CPD: variants seen among roughly 807,000 people sequenced by gnomAD.
CPD encodes carboxypeptidase D.
Under a neutral mutation model 138.3 loss-of-function variants are expected in CPD, and 69 were observed. The observed-to-expected ratio is 0.50, with a 90% confidence interval of 0.41 to 0.61. The LOEUF is 0.61. Among genes scored for constraint, CPD ranks in the 20% least tolerant of loss-of-function variants. The pLI, the probability that CPD is intolerant of heterozygous loss-of-function variation, is 0.00. For synonymous variants in CPD, 651 were observed against 642.1 expected, an observed-to-expected ratio of 1.01 and a Z score of -0.21; for missense variants, 1,432 against 1,733.3, an observed-to-expected ratio of 0.83 and a Z score of 3.09.
chr17:30,467,580 T>A lies in CPD; in HGVS notation c.*2766T>A, dbSNP rs557094903. The A allele has an allele frequency of 6.6e-6, 1 of 152,318 alleles. No individual in the cohort carries two copies. Among genetic ancestry groups the A allele is most frequent in the African/African-American group, 2.4e-5 (1 of 41,582 alleles). The allele number at this position is 152,318 out of a possible 1,614,324, so 9.4% of individuals were successfully genotyped here. A position where few individuals can be genotyped will look rare whatever the true frequency, so the allele number is the denominator to read the frequency against. On this transcript the variant is annotated 3_prime_UTR_variant, in exon 21 of 21. Transcript: ENST00000225719. ...AACATATTGTATATTTGGCCCAGTG[T>A]GATTGATTGCTTTATCTTTGGTAAC...
chr17:30,379,158 C>A lies in CPD; in HGVS notation c.178C>A (p.His60Asn). The A allele has an allele frequency of 6.5e-7, 1 of 1,536,148 alleles. No homozygotes were observed. ...CGAGGGCCAGTTCGACCGCTACTAC[C>A]ACGAAGAGGAGTTGGAGTCGGCGCT... ...AAEGQFDRYY[H>N]EEELESALRE... Residue 60 changes from histidine to asparagine, a missense_variant, in exon 1 of 21, where the codon CAC (histidine) becomes AAC (asparagine). Transcript: ENST00000225719. The surrounding 1 kb of genome is among the most constrained non-coding windows in gnomAD (Gnocchi z 7.0).
intron 12 of CPD, among the ~76,000 whole-genome samples, chr17:30,446,351 G>A (rs1274849779): frequency 2.0e-5 from 3 of 151,452 alleles, no homozygotes; most frequent in African/African-American, 7.3e-5. Flanking sequence ...ACAGACCCCA[G>A]GGTGTGATGT....
chr17:30,428,881 C>CCA (rs1912490147), intron 7 of CPD, among the ~76,000 whole-genome samples: 3 of 101,162 alleles, frequency 3.0e-5, no homozygotes, highest in East Asian at 1.4e-3. Flanking sequence ...AGTAAAACTA[C>CCA]TAAAAAAAAA....
intron 1 of CPD, among the ~76,000 whole-genome samples, chr17:30,383,717 A>G (rs1397632237): frequency 1.3e-5 from 2 of 152,160 alleles, no homozygotes; most frequent in African/African-American, 4.8e-5. Context: ...CTTTCAAATT[A>G]GACATGATAG....
intron 7 of CPD, among the ~76,000 whole-genome samples, chr17:30,429,879 C>G (rs1912517225): frequency 1.3e-5 from 2 of 152,004 alleles, no homozygotes; most frequent in African/African-American, 4.8e-5. Flanking sequence ...GTTGACTATC[C>G]CATCTCTGAT....
chr17:30,425,867 T>TA (rs991044709), intron 6 of CPD, among the ~76,000 whole-genome samples: 6 of 152,194 alleles, frequency 3.9e-5, no homozygotes, highest in African/African-American at 1.4e-4. Flanking sequence ...CTGGAAGAGA[T>TA]ACAGTTTTTA....
chr17:30,464,501 T>C, intron 20 of CPD, 87 bp from the exon 21 acceptor site: 2 of 957,518 alleles, frequency 2.1e-6, no homozygotes, highest in Admixed American at 3.8e-5. Flanking sequence ...AAATGAGGGG[T>C]ATATTATTAA....
Position 30,451,763 on chromosome 17 carries a change from G to T in CPD, c.3122G>T (p.Arg1041Leu), listed in dbSNP as rs140102865. 8 of 1,613,870 alleles carry T rather than the reference G, an allele frequency of 5.0e-6. No homozygotes were observed. The highest frequency in any genetic ancestry group is 6.8e-6 in the Non-Finnish European group (8 of 1,179,928). ...GTCCCTTCTCTAAATCCAGATGGGC[G>T]AGAGAGAGCTCAAGAGAAAGACTGT... ...VIVPSLNPDG[R>L]ERAQEKDCTS... Residue 1041 changes from arginine to leucine, a missense_variant, in exon 14 of 21, where the codon CGA (arginine) becomes CTA (leucine). Transcript: ENST00000225719.
At chr17:30,448,278 G>A (rs1913078729) in intron 12 of CPD, among the ~76,000 whole-genome samples, 1 of 152,082 alleles carries the variant, frequency 6.6e-6, no homozygotes, top group Non-Finnish European at 1.5e-5. Context: ...TGGGAGGATC[G>A]CTTGAGGCCA....
intron 15 of CPD, 66 bp from the exon 16 acceptor site, chr17:30,456,187 TGAA>T (rs1275198835): frequency 8.3e-7 from 1 of 1,210,544 alleles, no homozygotes; most frequent in Non-Finnish European, 1.2e-6. Context: ...CTTGTATCCA[TGAA>T]GGTTAACTTG....
chr17:30,397,737 CAAAAAAA>C (rs71138885), intron 2 of CPD, among the ~76,000 whole-genome samples: 682 of 31,864 alleles, frequency 0.021, 4 homozygotes, highest in African/African-American at 0.065. Context: ...ACTCCTGTCT[CAAAAAAA>C]AAAAAAAAAA....
intron 2 of CPD, among the ~76,000 whole-genome samples, chr17:30,395,903 GGTTGCTCAGAATACAAAGACCAGGTTCA>G (rs1037638873): frequency 1.4e-4 from 21 of 152,024 alleles, no homozygotes; most frequent in Non-Finnish European, 2.6e-4. Flanking sequence ...TCACAAGATA[GGTTGCTCAGAATACAAAGACCAGGTTCA>G]GTTAGTTAAG....
chr17:30,424,916 A>T (rs1210266634), intron 6 of CPD, among the ~76,000 whole-genome samples: 1 of 152,206 alleles, frequency 6.6e-6, no homozygotes, highest in African/African-American at 2.4e-5. Context: ...TTAGTTGGTC[A>T]TTAGTACCCA....
chr17:30,443,840 A>G lies in CPD; in HGVS notation c.2412A>G (p.Thr804=), dbSNP rs1912944954. 3 of 1,613,572 alleles carry G rather than the reference A, an allele frequency of 1.9e-6. No homozygotes were observed. The highest frequency in any genetic ancestry group is 1.7e-5 in the Admixed American group (1 of 59,960). Residue 804 remains threonine, a synonymous_variant, in exon 11 of 21, where the codon ACA becomes ACG. Transcript: ENST00000225719. ...QGVRGFVLDA[T]DGRGILNATI... Reference sequence around the variant, plus strand: ...TCAGAGGATTTGTTCTAGATGCCACAGATGGCAGGGGTATATTAAATGCCA... The same window carrying G: ...TCAGAGGATTTGTTCTAGATGCCACGGATGGCAGGGGTATATTAAATGCCA...
At chr17:30,421,908 C>T in intron 4 of CPD, 75 bp downstream of exon 4, 2 of 1,097,286 alleles carry the variant, frequency 1.8e-6, no homozygotes, top group Non-Finnish European at 1.3e-6. Context: ...GAAATATAGT[C>T]TAGTACATGT....
chr17:30,431,889 T>A lies in CPD; in HGVS notation c.2127+8T>A. 6.6e-7 allele frequency: 1 copy of A among 1,512,776 alleles called. No individual in the cohort carries two copies. Among genetic ancestry groups the A allele is most frequent in the Non-Finnish European group, 9.1e-7 (1 of 1,098,940 alleles). 93.7% of individuals were successfully genotyped at this position (1,512,776 alleles called of 1,614,324 possible). On this transcript the variant is annotated splice_region_variant and intron_variant, in intron 8 of 20. Transcript: ENST00000225719. Reference sequence around the variant, plus strand: ...GCACTTTCTTATTCCAAGGTAGGCTTGTCTTTGAATATAAAATGTTACAAA... The same window carrying A: ...GCACTTTCTTATTCCAAGGTAGGCTAGTCTTTGAATATAAAATGTTACAAA...
intron 7 of CPD, among the ~76,000 whole-genome samples, chr17:30,429,522 T>TA (rs1226397746): frequency 2.6e-5 from 4 of 151,980 alleles, no homozygotes; most frequent in Non-Finnish European, 5.9e-5. Context: ...TGTACAGGAG[T>TA]AAAAAATCCT....
At chr17:30,422,393 C>T (rs1475187154) in intron 4 of CPD, among the ~76,000 whole-genome samples, 6 of 152,100 alleles carry the variant, frequency 3.9e-5, no homozygotes, top group Non-Finnish European at 7.4e-5. Context: ...GAGTAACAAC[C>T]ACATCTTTCA....
rs966687465 is a variant in CPD, at chr17:30,443,867, C to G, written c.2439C>G (p.Thr813=). The change falls in exon 11 of 21, where the codon ACC becomes ACG. Residue 813 remains threonine, a synonymous_variant. Coordinates refer to ENST00000225719, the MANE Select transcript of CPD (RefSeq NM_001304.5). ...ATGGCAGGGGTATATTAAATGCCAC[C>G]ATTAGTGTTGCTGAGATTAATCACC... is the stretch of plus-strand genomic sequence containing the variant. ...ATDGRGILNA[T]ISVAEINHPV... The G allele has an allele frequency of 1.9e-6, 3 of 1,613,748 alleles. No homozygotes were observed. The highest frequency in any genetic ancestry group is 2.5e-6 in the Non-Finnish European group (3 of 1,179,866).
Sources: allele counts gnomAD v4.1 joint callset (sites outside exome capture counted in the v4.1 genomes callset), GRCh38; gene constraint gnomAD v4.1.1; non-coding constraint Gnocchi (gnomAD v3.1); transcripts MANE v1.5; gene names NCBI Gene and HGNC (gene_info 2026-07-23, HGNC 2026-07-21).